Variants in SLC49A4 observed in about 807,000 individuals in gnomAD.
The protein encoded by SLC49A4 is disrupted in renal cancer protein 2.
In SLC49A4, 36 loss-of-function variants were observed where a neutral mutation model predicts 50.6. The observed-to-expected ratio is 0.71, with a 90% CI of 0.55 to 0.94. The LOEUF (loss-of-function observed/expected upper bound fraction) is 0.94. SLC49A4 is among the 40% of genes least tolerant of loss of function. The pLI is 0.00. For missense variants in SLC49A4, 503 were observed against 605.7 expected (o/e 0.83, Z 1.78); for synonymous variants, 248 against 241.2 (o/e 1.03, Z -0.26).
intron 2 of SLC49A4, among the ~76,000 whole-genome samples, chr3:122,815,034 C>G (rs1936345723): frequency 6.6e-6 from 1 of 152,078 alleles, no homozygotes; most frequent in African/African-American, 2.4e-5. Context: ...TTGTCTGTAT[C>G]ATGCTGTCAT....
chr3:122,858,623 A>C (rs867102730), intron 6 of SLC49A4, among the ~76,000 whole-genome samples: 6 of 152,206 alleles, frequency 3.9e-5, no homozygotes, highest in Non-Finnish European at 5.9e-5. Context: ...ATCATGTCAA[A>C]TAAGTACAAA....
intron 1 of SLC49A4, among the ~76,000 whole-genome samples, chr3:122,799,387 G>T (rs1032002859): frequency 3.3e-5 from 5 of 152,202 alleles, no homozygotes; most frequent in African/African-American, 1.2e-4. Context: ...TTCTGGAGAA[G>T]ACTGTTTCTG....
At chr3:122,840,303 G>C (rs1421026316) in intron 4 of SLC49A4, among the ~76,000 whole-genome samples, 1 of 152,086 alleles carries the variant, frequency 6.6e-6, no homozygotes, top group African/African-American at 2.4e-5. Flanking sequence ...TCAGGTGGCA[G>C]GTGCACCAAA....
chr3:122,850,725 G>A (rs886280806), intron 5 of SLC49A4, among the ~76,000 whole-genome samples: 1 of 152,104 alleles, frequency 6.6e-6, no homozygotes, highest in Non-Finnish European at 1.5e-5. Context: ...AGGCTGGTCT[G>A]GAACTCCTGA....
rs539162138 is a variant in SLC49A4, at chr3:122,877,669, A to C, written c.1322-1594A>C. Among the ~76,000 whole-genome samples the C allele has an allele frequency of 1.3e-4, 20 of 152,290 alleles. No homozygotes were observed. The South Asian group carries it at 3.9e-3, about 30-fold the overall frequency. ...TCTGTTGCTTAAAACTTGACCCTGA[A>C]GTCCAAGCTCTCCCTTTTAATACAA... On this transcript the variant is annotated intron_variant, in intron 8 of 8. Transcript: ENST00000261038.
At chr3:122,827,143 G>T in intron 3 of SLC49A4, 78 bp downstream of exon 3, 1 of 1,467,360 alleles carries the variant, frequency 6.8e-7, no homozygotes, top group Non-Finnish European at 9.2e-7. Context: ...TTGTATAACA[G>T]ATACCTTCAT....
Position 122,795,444 on chromosome 3 carries a change from C to T in SLC49A4, c.252C>T (p.Gly84=). 6.2e-7 allele frequency: 1 copy of T among 1,607,732 alleles called. No individual in the cohort carries two copies. The highest frequency in any genetic ancestry group is 8.5e-7 in the Non-Finnish European group (1 of 1,179,082). The change falls in exon 1 of 9, where the codon GGC becomes GGT. Residue 84 remains glycine (G), a synonymous_variant. Coordinates refer to ENST00000261038, the MANE Select transcript of SLC49A4 (RefSeq NM_032839.3). ...PIQNSARQAY[G]FSSWDIALLV... ...AGAACTCGGCGCGCCAGGCCTACGG[C>T]TTCTCCAGCTGGGACATCGCGCTGC...
In SLC49A4 at chr3:122,880,794, T is replaced by G. The variant is rs1240428173; in HGVS notation, c.*1416T>G. ...ACTGGGCCCTGCTCCTCTCTGCACC[T>G]GTGTGCGCCATGACACACCCACATG... On this transcript the variant is annotated 3_prime_UTR_variant, in exon 9 of 9. Transcript: ENST00000261038. The G allele has an allele frequency of 6.6e-6, 1 of 152,410 alleles. No homozygotes were observed. Among genetic ancestry groups the G allele is most frequent in the Non-Finnish European group, 1.5e-5 (1 of 68,208 alleles). 9.4% of individuals were successfully genotyped at this position (152,410 alleles called of 1,614,324 possible). A position where few individuals can be genotyped will look rare whatever the true frequency, so the allele number is the denominator to read the frequency against.
At chr3:122,843,876 T>A (rs1936813630) in intron 4 of SLC49A4, among the ~76,000 whole-genome samples, 1 of 152,232 alleles carries the variant, frequency 6.6e-6, no homozygotes, top group African/African-American at 2.4e-5. Context: ...ACTCTCATTT[T>A]GTGATGTTAG....
chr3:122,875,792 G>A (rs1937259637), intron 8 of SLC49A4, among the ~76,000 whole-genome samples: 1 of 152,132 alleles, frequency 6.6e-6, no homozygotes, highest in Admixed American at 6.5e-5. Context: ...ATTTTTCAGG[G>A]CTATACAGAC....
chr3:122,840,624 A>G (rs773919321), intron 4 of SLC49A4, among the ~76,000 whole-genome samples: 16 of 152,152 alleles, frequency 1.1e-4, no homozygotes, highest in Non-Finnish European at 1.5e-4. Flanking sequence ...GAGATATGTT[A>G]TTCATAACAT....
chr3:122,799,906 C>T (rs534034153), intron 1 of SLC49A4, among the ~76,000 whole-genome samples: 1 of 152,240 alleles, frequency 6.6e-6, no homozygotes, highest in Admixed American at 6.5e-5. Flanking sequence ...CTTCAATTTA[C>T]TAAGTTGTGT....
At chr3:122,839,478 C>T (rs1936737733) in intron 4 of SLC49A4, among the ~76,000 whole-genome samples, 1 of 151,946 alleles carries the variant, frequency 6.6e-6, no homozygotes, top group African/African-American at 2.4e-5. Flanking sequence ...AAAATATTTG[C>T]AAACTCTGTA....
chr3:122,813,489 C>T (rs1381578122), intron 2 of SLC49A4, among the ~76,000 whole-genome samples: 1 of 152,156 alleles, frequency 6.6e-6, no homozygotes, highest in Non-Finnish European at 1.5e-5. Context: ...CTCCAGAAGT[C>T]TCCTGCGTGC....
intron 8 of SLC49A4, among the ~76,000 whole-genome samples, chr3:122,878,043 C>T (rs1164620719): frequency 6.6e-6 from 1 of 152,158 alleles, no homozygotes; most frequent in Non-Finnish European, 1.5e-5. Context: ...AAAGGTATTG[C>T]AGCACCTTTT....
In SLC49A4 at chr3:122,879,931, A is replaced by ATC. The variant is rs1030913996; in HGVS notation, c.*553_*554insTC. 2 of 152,808 alleles carry ATC rather than the reference A, an allele frequency of 1.3e-5. No individual in the cohort carries two copies. Among genetic ancestry groups the ATC allele is most frequent in the Non-Finnish European group, 2.9e-5 (2 of 68,190 alleles). The allele number at this position is 152,808 out of a possible 1,614,324, so 9.5% of individuals were successfully genotyped here. A position where few individuals can be genotyped will look rare whatever the true frequency, so the allele number is the denominator to read the frequency against. ...TCTTATATGACTCCTTATTTTAATC[A>ATC]GGTCAGAAGCCCTTGGCCATCTTTA... On this transcript the variant is annotated 3_prime_UTR_variant, in exon 9 of 9. Coordinates refer to ENST00000261038, the MANE Select transcript of SLC49A4 (RefSeq NM_032839.3).
At chr3:122,817,152 A>G (rs1017121060) in intron 2 of SLC49A4, among the ~76,000 whole-genome samples, 2 of 152,236 alleles carry the variant, frequency 1.3e-5, no homozygotes, top group Non-Finnish European at 2.9e-5. Context: ...TGATCTCCAC[A>G]TGGGAAAGAT....
At chr3:122,871,428 A>C (rs1454533218) in intron 7 of SLC49A4, among the ~76,000 whole-genome samples, 1 of 152,116 alleles carries the variant, frequency 6.6e-6, no homozygotes, top group Non-Finnish European at 1.5e-5. Flanking sequence ...GAGTGTGTGA[A>C]TAATACATAA....
At chr3:122,800,764 G>A (rs966665411) in intron 1 of SLC49A4, among the ~76,000 whole-genome samples, 2 of 151,986 alleles carry the variant, frequency 1.3e-5, no homozygotes, top group African/African-American at 4.8e-5. Context: ...GATGATAAGA[G>A]CTTGTAGAAG....
Sources: gnomAD v4.1 joint callset for allele counts (sites outside exome capture counted in the v4.1 genomes callset) on GRCh38, gnomAD v4.1.1 for gene constraint, MANE v1.5 for transcripts, NCBI Gene and HGNC (gene_info 2026-07-23, HGNC 2026-07-21) for gene names.